The following NEDD4 variants were observed in gnomAD, a reference collection of about 807,000 sequenced individuals.
The protein encoded by NEDD4 is E3 ubiquitin-protein ligase NEDD4.
A neutral mutation model predicts 144.9 loss-of-function variants in NEDD4; 99 were observed. The observed-to-expected ratio is 0.68, with a 90% CI of 0.58 to 0.81. The LOEUF is 0.81. NEDD4 is among the 30% of genes least tolerant of loss of function. The pLI is 0.00. For synonymous variants in NEDD4, 318 were observed against 350.6 expected (o/e 0.91, Z 1.04); for missense variants, 985 against 1,065.9 (o/e 0.92, Z 1.06).
intron 24 of NEDD4, among the ~76,000 whole-genome samples, chr15:55,836,235 T>C (rs950565741): frequency 1.2e-4 from 19 of 152,108 alleles, no homozygotes; most frequent in African/African-American, 4.1e-4. Context: ...TTTCACTCTT[T>C]ACATCATACA....
chr15:55,906,463 T>G (rs1414144049), intron 5 of NEDD4, among the ~76,000 whole-genome samples: 1 of 152,148 alleles, frequency 6.6e-6, no homozygotes, highest in African/African-American at 2.4e-5. Flanking sequence ...TAAAAAATGA[T>G]GAGTTCATGT....
chr15:55,874,723 C>T (rs1595781346), intron 5 of NEDD4, among the ~76,000 whole-genome samples: 1 of 152,286 alleles, frequency 6.6e-6, no homozygotes, highest in East Asian at 1.9e-4. Context: ...CCTGTAATCC[C>T]AGCACTTTGG....
At chr15:55,874,439 A>AG (rs2034918231) in intron 5 of NEDD4, among the ~76,000 whole-genome samples, 1 of 152,102 alleles carries the variant, frequency 6.6e-6, no homozygotes, top group Non-Finnish European at 1.5e-5. Context: ...TTGAGGAGTC[A>AG]GAAGGCCTAG....
intron 5 of NEDD4, among the ~76,000 whole-genome samples, chr15:55,910,564 C>T (rs1299054736): frequency 6.6e-6 from 1 of 152,106 alleles, no homozygotes; most frequent in Admixed American, 6.5e-5. Context: ...CTTCCCATCT[C>T]ACTGTATACC....
At chr15:55,865,150 A>G (rs1186434435) in intron 8 of NEDD4, among the ~76,000 whole-genome samples, 2 of 146,608 alleles carry the variant, frequency 1.4e-5, no homozygotes, top group Admixed American at 1.4e-4. Flanking sequence ...GTGAGCTGAG[A>G]TCGCACCACT....
At chr15:55,845,661 C>A (rs1178780651) in intron 18 of NEDD4, among the ~76,000 whole-genome samples, 1 of 152,028 alleles carries the variant, frequency 6.6e-6, no homozygotes, top group Admixed American at 6.6e-5. Flanking sequence ...GCTTCTATTC[C>A]TCCAGCGTAT....
At chr15:55,859,989 T>C (rs1196229999) in intron 11 of NEDD4, among the ~76,000 whole-genome samples, 1 of 152,168 alleles carries the variant, frequency 6.6e-6, no homozygotes, top group Non-Finnish European at 1.5e-5. Flanking sequence ...TATCCCTGCT[T>C]CCCAACAGCA....
At chr15:55,902,083 T>A (rs1395130394) in intron 5 of NEDD4, among the ~76,000 whole-genome samples, 1 of 152,164 alleles carries the variant, frequency 6.6e-6, no homozygotes, top group Non-Finnish European at 1.5e-5. Context: ...AGATAAGATG[T>A]GGTTAGATGA....
Position 55,983,299 on chromosome 15 carries a change from T to C in NEDD4, c.45+10212A>G, listed in dbSNP as rs1206222327. 4.8e-5 allele frequency among the ~76,000 whole-genome samples: 7 copies of C among 145,156 alleles called. No homozygotes were observed. The East Asian group carries it at 6.3e-4, about 13-fold the overall frequency. ...ATGACGACAATGGTGTGTGTGTGTG[T>C]GCGTGCGCGCGCGTGCGTGCATTTG... On this transcript the variant is annotated intron_variant, in intron 1 of 28. Transcript: ENST00000435532.
At chr15:55,913,464 A>T (rs2036338502) in intron 5 of NEDD4, among the ~76,000 whole-genome samples, 1 of 152,136 alleles carries the variant, frequency 6.6e-6, no homozygotes, top group African/African-American at 2.4e-5. Context: ...TAGATATAGC[A>T]TAAATTAAAT....
Position 55,828,086 on chromosome 15 carries a change from T to C in NEDD4, c.*1811A>G, listed in dbSNP as rs1329043458. On this transcript the variant is annotated 3_prime_UTR_variant, in exon 29 of 29. Coordinates refer to ENST00000435532, the MANE Select transcript of NEDD4 (RefSeq NM_006154.4). ...CTCATCCTTGACTGCTGGTTGACAA[T>C]GGTGAAGACAAAACGCAGGGTACAT... 1.3e-5 allele frequency: 2 copies of C among 152,222 alleles called. No individual in the cohort carries two copies. The highest frequency in any genetic ancestry group is 2.9e-5 in the Non-Finnish European group (2 of 68,056). The allele number at this position is 152,222 out of a possible 1,614,324, so 9.4% of individuals were successfully genotyped here. A position where few individuals can be genotyped will look rare whatever the true frequency, so the allele number is the denominator to read the frequency against.
intron 4 of NEDD4, among the ~76,000 whole-genome samples, chr15:55,944,175 G>C (rs1364409056): frequency 1.3e-5 from 2 of 152,234 alleles, no homozygotes; most frequent in African/African-American, 4.8e-5. Context: ...AGCCGAAGCA[G>C]GATGGGGCAT....
intron 17 of NEDD4, among the ~76,000 whole-genome samples, chr15:55,847,439 A>G (rs2033794278): frequency 6.6e-6 from 1 of 152,204 alleles, no homozygotes; most frequent in South Asian, 2.1e-4. Flanking sequence ...TTGAGCCATT[A>G]AAGGACTACA....
chr15:55,915,973 G>A (rs1421541316), intron 5 of NEDD4: 4 of 1,613,844 alleles, frequency 2.5e-6, no homozygotes, highest in Admixed American at 3.3e-5. Flanking sequence ...TTGCTCAGAA[G>A]AGTACACAGA....
At chr15:55,851,646 T>G (rs1239370465) in intron 13 of NEDD4, among the ~76,000 whole-genome samples, 2 of 151,988 alleles carry the variant, frequency 1.3e-5, no homozygotes. Context: ...CTGGCTAATT[T>G]TTGTATTTTT....
At chr15:55,865,061 G>A (rs1197938895) in intron 8 of NEDD4, among the ~76,000 whole-genome samples, 2 of 152,088 alleles carry the variant, frequency 1.3e-5, no homozygotes, top group East Asian at 1.9e-4. Context: ...AGCCGGGCAT[G>A]GTGGCGGGCG....
chr15:55,967,489 CAAATAA>C (rs1165085941), intron 1 of NEDD4, among the ~76,000 whole-genome samples: 9 of 130,284 alleles, frequency 6.9e-5, no homozygotes, highest in Non-Finnish European at 1.5e-4. Flanking sequence ...TGTGTGTATA[CAAATAA>C]AGGGGAATAA....
chr15:55,986,683 A>G (rs7177029), intron 1 of NEDD4, among the ~76,000 whole-genome samples: 91,717 of 147,140 alleles, frequency 0.62, 29,987 homozygotes, highest in East Asian at 0.99. Context: ...TCTGCCTCCC[A>G]GGTTCACGCC....
chr15:55,891,575 A>G (rs1428266248), intron 5 of NEDD4, among the ~76,000 whole-genome samples: 1 of 152,206 alleles, frequency 6.6e-6, no homozygotes, highest in Non-Finnish European at 1.5e-5. Context: ...ACAAATTTGC[A>G]TTTGGTATAA....
Sources: gnomAD v4.1 joint callset for allele counts (sites outside exome capture counted in the v4.1 genomes callset) on GRCh38, gnomAD v4.1.1 for gene constraint, MANE v1.5 for transcripts, NCBI Gene and HGNC (gene_info 2026-07-23, HGNC 2026-07-21) for gene names.